Variants in EPB41L1 observed in about 807,000 individuals in gnomAD.
EPB41L1 encodes the protein erythrocyte membrane protein band 4.1 like 1.
A neutral mutation model predicts 97.8 loss-of-function variants in EPB41L1; 29 were observed. The ratio of observed to expected loss-of-function variants is 0.30; its 90% CI spans 0.22 to 0.40. EPB41L1 has a LOEUF of 0.40. Among genes scored for constraint, EPB41L1 ranks in the 10% least tolerant of loss-of-function variants. EPB41L1 has a pLI of 1.00. For synonymous variants in EPB41L1, 383 were observed against 459.2 expected (o/e 0.83, Z 2.12); for missense variants, 812 against 1,162.3 (o/e 0.70, Z 4.38).
At chr20:36,110,887 C>T (rs1313654056) in intron 1 of EPB41L1, 4 of 152,162 alleles carry the variant, frequency 2.6e-5, no homozygotes, top group South Asian at 2.1e-4. Flanking sequence ...AAAGCAGGAA[C>T]GGGAATGGTA....
In EPB41L1 at chr20:36,093,053, C is replaced by T. The variant is rs998774068; in HGVS notation, c.-65+1441C>T. ...GTGTTAGGTGTGAGCGCGCGTGTGC[C>T]CGTGGATCCGTGCGAGCGGCTGCTC... On this transcript the variant is annotated intron_variant, in intron 1 of 19. Coordinates refer to the EPB41L1 transcript ENST00000202028. The surrounding 1 kb of genome is among the most constrained non-coding windows in gnomAD (Gnocchi z 5.4). 4 of 152,720 alleles carry T rather than the reference C, an allele frequency of 2.6e-5. No individual in the cohort carries two copies. Among genetic ancestry groups the T allele is most frequent in the Non-Finnish European group, 4.4e-5 (3 of 68,614 alleles). 9.5% of individuals were successfully genotyped at this position (152,720 alleles called of 1,614,324 possible).
At position 36,185,205 on chromosome 20, in the gene EPB41L1, G is replaced by A. The variant is rs6142528; in HGVS notation, c.655G>A (p.Ala219Thr). The change falls in exon 7 of 22, where the codon GCT (alanine) becomes ACT (threonine). Residue 219 changes from alanine to threonine, a missense_variant. Around this residue, in one of 3 missense-constraint regions of EPB41L1, gnomAD observed 230 missense variants for 445.2 expected, o/e 0.52. Transcript: ENST00000338074. ...CACGCATGCCCTACTGGGCTCCTAC[G>A]CTGTGCAGGCTGAGCTGGGTGACTA... ...FVTHALLGSY[A>T]VQAELGDYDA... is the part of the protein sequence containing the mutation. The A allele has an allele frequency of 1.2e-5, 20 of 1,613,576 alleles. No individual in the cohort carries two copies. Among genetic ancestry groups the A allele is most frequent in the Admixed American group, 1.0e-4 (6 of 60,006 alleles).
At position 36,221,898 on chromosome 20, in the gene EPB41L1, A is replaced by G. The variant is rs2063802410; in HGVS notation, c.2474A>G (p.Glu825Gly). The G allele has an allele frequency of 6.2e-7, 1 of 1,614,048 alleles. No homozygotes were observed. The highest frequency in any genetic ancestry group is 8.5e-7 in the Non-Finnish European group (1 of 1,180,036). ...GGAGGGTTTTCTGAGACAAGGATCGAGAAGCGAATCATCATTACTGGGGAT... is the reference window on the plus strand; with the variant it reads ...GGAGGGTTTTCTGAGACAAGGATCGGGAAGCGAATCATCATTACTGGGGAT... Reference protein sequence around the residue: ...VKGGFSETRIEKRIIITGDED... With the variant: ...VKGGFSETRIGKRIIITGDED... The change falls in exon 20 of 22, where the codon GAG (glutamate) becomes GGG (glycine). Residue 825 changes from glutamate (E) to glycine (G), a missense_variant. Glu to Gly is a moderately conservative substitution (Grantham distance 98, BLOSUM62 -2). Around this residue, in one of 3 missense-constraint regions of EPB41L1, gnomAD observed 498 missense variants for 622.7 expected, o/e 0.80. Transcript: ENST00000338074.
intron 1 of EPB41L1, chr20:36,112,387 C>T (rs946060563): frequency 6.6e-6 from 1 of 152,280 alleles, no homozygotes; most frequent in African/African-American, 2.4e-5. Flanking sequence ...GGCTCATGAA[C>T]TCCTGTTCTG....
intron 19 of EPB41L1, among the ~76,000 whole-genome samples, chr20:36,220,053 G>C (rs2063687811): frequency 6.6e-6 from 1 of 152,270 alleles, no homozygotes. Flanking sequence ...CCAGGCTAGG[G>C]GGAACAATAC....
At chr20:36,227,140 C>T (rs1296447905) in intron 21 of EPB41L1, among the ~76,000 whole-genome samples, 1 of 152,018 alleles carries the variant, frequency 6.6e-6, no homozygotes, top group Non-Finnish European at 1.5e-5. Flanking sequence ...CATAATGAGA[C>T]CTTCGTTTCT....
chr20:36,140,894 G>A (rs890574646), intron 2 of EPB41L1, among the ~76,000 whole-genome samples: 5 of 152,190 alleles, frequency 3.3e-5, no homozygotes, highest in Non-Finnish European at 5.9e-5. Context: ...GGTGGAGAGG[G>A]TGGTGCTGCA....
upstream of EPB41L1, chr20:36,152,810 C>A: frequency 2.7e-6 from 1 of 365,704 alleles, no homozygotes; most frequent in Non-Finnish European, 5.4e-6. Context: ...GTGAGACTCC[C>A]TTGGGAGCTC....
chr20:36,217,030 G>A (rs1041030111), intron 17 of EPB41L1, among the ~76,000 whole-genome samples: 1 of 152,212 alleles, frequency 6.6e-6, no homozygotes, highest in African/African-American at 2.4e-5. Context: ...ACTCTAGGGT[G>A]GGGCCCAGCA....
At chr20:36,187,229 C>T (rs2061719268) in intron 7 of EPB41L1, among the ~76,000 whole-genome samples, 1 of 152,226 alleles carries the variant, frequency 6.6e-6, no homozygotes, top group South Asian at 2.1e-4. Context: ...GGAGAATGTG[C>T]ACCTGTTCCT....
chr20:36,175,204 G>A (rs2061175002), intron 2 of EPB41L1, among the ~76,000 whole-genome samples: 1 of 152,204 alleles, frequency 6.6e-6, no homozygotes, highest in Admixed American at 6.5e-5. Flanking sequence ...AAGGAGACCA[G>A]ATGGATGCTG....
At chr20:36,191,973 C>T (rs1007721579) in intron 11 of EPB41L1, among the ~76,000 whole-genome samples, 20 of 152,166 alleles carry the variant, frequency 1.3e-4, no homozygotes, top group Admixed American at 9.8e-4. Context: ...TGCCTGTAAT[C>T]CCAGCACTTT....
At chr20:36,215,993 G>A (rs1477247291) in intron 17 of EPB41L1, among the ~76,000 whole-genome samples, 1 of 152,204 alleles carries the variant, frequency 6.6e-6, no homozygotes, top group Non-Finnish European at 1.5e-5. Context: ...TGAGGGTAGA[G>A]GGCAGTAATA....
Position 36,209,455 on chromosome 20 carries a change from C to T in EPB41L1, c.1669-33C>T, listed in dbSNP as rs755361570. 1.2e-6 allele frequency: 2 copies of T among 1,608,028 alleles called. No individual in the cohort carries two copies. Among genetic ancestry groups the T allele is most frequent in the East Asian group, 2.2e-5 (1 of 44,682 alleles). ...TCTTTCTCTCTCTCTCCCCACCCCA[C>T]ATCCCCATTCTTTTGATTTTATCTG... is the stretch of plus-strand genomic sequence containing the variant. On this transcript the variant is annotated intron_variant, in intron 14 of 21. Coordinates refer to ENST00000338074, the MANE Select transcript of EPB41L1 (RefSeq NM_012156.2). This position sits in a 1 kb window ranked among gnomAD's most constrained non-coding sequence, Gnocchi z 4.2.
At chr20:36,144,392 G>T (rs1409786845) in intron 2 of EPB41L1, among the ~76,000 whole-genome samples, 1 of 152,158 alleles carries the variant, frequency 6.6e-6, no homozygotes, top group African/African-American at 2.4e-5. Flanking sequence ...TACCCTCTTG[G>T]CTGGCATGGA....
At chr20:36,199,908 G>A (rs1250476009) in intron 14 of EPB41L1, among the ~76,000 whole-genome samples, 1 of 152,164 alleles carries the variant, frequency 6.6e-6, no homozygotes, top group Non-Finnish European at 1.5e-5. Flanking sequence ...CTGGTGTAGG[G>A]TGTGCCCCAC....
chr20:36,206,146 G>A lies in EPB41L1; in HGVS notation c.1669-3342G>A. The A allele has an allele frequency of 7.8e-7, 1 of 1,289,898 alleles. No homozygotes were observed. Among genetic ancestry groups the A allele is most frequent in the Non-Finnish European group, 1.0e-6 (1 of 988,892 alleles). 79.9% of individuals were successfully genotyped at this position (1,289,898 alleles called of 1,614,324 possible). A position where few individuals can be genotyped will look rare whatever the true frequency, so the allele number is the denominator to read the frequency against. ...CCCCTGGATCAGGGAAAGCCCAGGAGGGGCTGCCCTGGCTTCCGGCCGCAC... is the reference window on the plus strand; with the variant it reads ...CCCCTGGATCAGGGAAAGCCCAGGAAGGGCTGCCCTGGCTTCCGGCCGCAC... On this transcript the variant is annotated intron_variant, in intron 14 of 21. Transcript: ENST00000338074. The surrounding 1 kb of genome is among the most constrained non-coding windows in gnomAD (Gnocchi z 5.5).
At chr20:36,142,291 T>C (rs2059670738) in intron 2 of EPB41L1, among the ~76,000 whole-genome samples, 1 of 152,210 alleles carries the variant, frequency 6.6e-6, no homozygotes, top group East Asian at 1.9e-4. Flanking sequence ...AGCATATGTA[T>C]GTATCACTAT....
At position 36,212,225 on chromosome 20, in the gene EPB41L1, C is replaced by A; in HGVS notation, c.2080-47C>A. 1 of 1,576,112 alleles carries A rather than the reference C, an allele frequency of 6.3e-7. No homozygotes were observed. Among genetic ancestry groups the A allele is most frequent in the Non-Finnish European group, 8.7e-7 (1 of 1,145,638 alleles). The stretch of plus-strand genomic sequence containing the variant: ...ACTGCAATTGTCTGTGAGCAAGGGT[C>A]ATGCTAGGGTTTCAGTTACAGAGCA... On this transcript the variant is annotated intron_variant, in intron 15 of 21. Coordinates refer to ENST00000338074, the MANE Select transcript of EPB41L1 (RefSeq NM_012156.2). The surrounding 1 kb of genome is among the most constrained non-coding windows in gnomAD (Gnocchi z 4.8).
Sources: allele counts gnomAD v4.1 joint callset (sites outside exome capture counted in the v4.1 genomes callset), GRCh38; gene constraint gnomAD v4.1.1; regional missense constraint gnomAD v4.1.1; non-coding constraint Gnocchi (gnomAD v3.1); transcripts MANE v1.5; gene names NCBI Gene and HGNC (gene_info 2026-07-23, HGNC 2026-07-21).